Variants in NCAM2 observed in about 807,000 individuals in gnomAD.
NCAM2 encodes the protein neural cell adhesion molecule 2.
NCAM2 carries 30 observed loss-of-function variants against 98.1 expected under a neutral mutation model. The observed-to-expected ratio is 0.31, with a 90% confidence interval of 0.23 to 0.41. The LOEUF (loss-of-function observed/expected upper bound fraction) is 0.41. Among genes scored for constraint, NCAM2 ranks in the 10% least tolerant of loss-of-function variants. The pLI is 1.00. For synonymous variants in NCAM2, 368 were observed against 342.4 expected (o/e 1.07, Z -0.83); for missense variants, 867 against 1,005.8 (o/e 0.86, Z 1.87).
intron 1 of NCAM2, among the ~76,000 whole-genome samples, chr21:21,065,640 A>C (rs1041058518): frequency 2.0e-5 from 3 of 152,156 alleles, no homozygotes. Flanking sequence ...GGGTTTCTAG[A>C]GTCCCAATTC....
chr21:21,310,455 AG>A (rs2074010224), intron 5 of NCAM2, among the ~76,000 whole-genome samples: 1 of 152,188 alleles, frequency 6.6e-6, no homozygotes, highest in South Asian at 2.1e-4. Context: ...GAAAGAGAAG[AG>A]TCTGATGAAC....
intron 5 of NCAM2, among the ~76,000 whole-genome samples, chr21:21,299,076 A>G (rs1350944156): frequency 1.3e-5 from 2 of 151,714 alleles, no homozygotes; most frequent in African/African-American, 4.8e-5. Flanking sequence ...AATTTTTATC[A>G]TTTCATAGAA....
chr21:21,335,490 T>C lies in NCAM2; in HGVS notation c.738-15T>C. ...AGCCAGATCTGTGAGGATGAACCTC[T>C]TTTTTCTTCTTTAGGAATGGCAAGC... On this transcript the variant is annotated splice_polypyrimidine_tract_variant and intron_variant, in intron 6 of 17. Transcript: ENST00000400546. 6.3e-7 allele frequency: 1 copy of C among 1,576,046 alleles called. No individual in the cohort carries two copies. Among genetic ancestry groups the C allele is most frequent in the Non-Finnish European group, 8.6e-7 (1 of 1,165,296 alleles).
intron 5 of NCAM2, among the ~76,000 whole-genome samples, chr21:21,303,893 T>A (rs1004877180): frequency 6.6e-6 from 1 of 152,176 alleles, no homozygotes; most frequent in African/African-American, 2.4e-5. Flanking sequence ...CATCTTCTCA[T>A]ATACAACTCA....
At chr21:21,015,883 A>G (rs1045312890) in intron 1 of NCAM2, among the ~76,000 whole-genome samples, 1 of 150,692 alleles carries the variant, frequency 6.6e-6, no homozygotes, top group Non-Finnish European at 1.5e-5. Context: ...TTTTTTTTGT[A>G]TTTTTAGTAG....
chr21:21,331,198 T>C (rs1162823564), intron 6 of NCAM2, among the ~76,000 whole-genome samples: 1 of 151,838 alleles, frequency 6.6e-6, no homozygotes, highest in East Asian at 1.9e-4. Context: ...TGGGCAGGAG[T>C]GCAGTGGCAC....
At chr21:21,307,088 A>C (rs1399542985) in intron 5 of NCAM2, among the ~76,000 whole-genome samples, 2 of 152,038 alleles carry the variant, frequency 1.3e-5, no homozygotes. Flanking sequence ...CCATTCTGAC[A>C]GTCTCTACCT....
At chr21:21,492,847 T>C (rs1423436696) in intron 15 of NCAM2, among the ~76,000 whole-genome samples, 1 of 151,902 alleles carries the variant, frequency 6.6e-6, no homozygotes, top group Admixed American at 6.6e-5. Flanking sequence ...TGTTTAAATG[T>C]GGTTAAATAA....
intron 9 of NCAM2, among the ~76,000 whole-genome samples, chr21:21,401,886 T>G (rs1403044345): frequency 6.6e-6 from 1 of 152,178 alleles, no homozygotes; most frequent in African/African-American, 2.4e-5. Flanking sequence ...CGGCTGGAGC[T>G]GCAGCAGAGG....
In NCAM2 at chr21:21,509,207, A is replaced by G; in HGVS notation, c.2282+152A>G. 3 of 662,274 alleles carry G rather than the reference A, an allele frequency of 4.5e-6. No individual in the cohort carries two copies. In the South Asian group the frequency reaches 6.0e-5, roughly 13 times the overall value. 41.0% of individuals were successfully genotyped at this position (662,274 alleles called of 1,614,324 possible). On this transcript the variant is annotated intron_variant, in intron 16 of 17. Transcript: ENST00000400546. ...TGCACTGCCTGCTCTCTGACCTTGA[A>G]ACTATGTATCCTTATATATAACCTA...
intron 16 of NCAM2, among the ~76,000 whole-genome samples, chr21:21,524,889 A>T (rs999612341): frequency 1.2e-4 from 19 of 152,196 alleles, no homozygotes; most frequent in Non-Finnish European, 2.2e-4. Flanking sequence ...CTTGAAGATT[A>T]AACAATGTAC....
chr21:21,419,812 G>A (rs900085467), intron 11 of NCAM2, among the ~76,000 whole-genome samples: 1 of 152,112 alleles, frequency 6.6e-6, no homozygotes, highest in East Asian at 1.9e-4. Flanking sequence ...ATAGTGCCGC[G>A]ATAAACATAC....
intron 1 of NCAM2, among the ~76,000 whole-genome samples, chr21:21,085,435 C>T (rs2065888545): frequency 6.6e-6 from 1 of 152,088 alleles, no homozygotes; most frequent in East Asian, 1.9e-4. Context: ...CCTCAGCTTA[C>T]ACTGGCCTCT....
At chr21:21,055,913 T>C (rs1381767203) in intron 1 of NCAM2, among the ~76,000 whole-genome samples, 1 of 152,124 alleles carries the variant, frequency 6.6e-6, no homozygotes, top group East Asian at 1.9e-4. Context: ...ACCATTATTA[T>C]GACACTTACA....
intron 1 of NCAM2, among the ~76,000 whole-genome samples, chr21:21,238,500 C>A (rs1203797314): frequency 1.3e-5 from 2 of 151,906 alleles, no homozygotes; most frequent in African/African-American, 4.8e-5. Flanking sequence ...ATTACATATA[C>A]AACTCAGAAA....
At chr21:21,410,050 A>G (rs992543885) in intron 9 of NCAM2, among the ~76,000 whole-genome samples, 1 of 151,984 alleles carries the variant, frequency 6.6e-6, no homozygotes, top group African/African-American at 2.4e-5. Context: ...GGAGAATGGC[A>G]TCAACCCAGG....
rs369454582 is a variant in NCAM2, at chr21:21,019,921, T to C, written c.55+21303T>C. The stretch of plus-strand genomic sequence containing the variant: ...GGTGCTGTCGTGGTGCAGGGCTTCA[T>C]AGATGAGTCAGAATGTGGAATTGAG... On this transcript the variant is annotated intron_variant, in intron 1 of 17. Transcript: ENST00000400546. Among the ~76,000 whole-genome samples, 8 of 152,340 alleles carry C rather than the reference T, an allele frequency of 5.3e-5. No homozygotes were observed. The East Asian group carries it at 1.2e-3, about 22-fold the overall frequency.
At chr21:21,269,084 A>G (rs958184310) in intron 1 of NCAM2, among the ~76,000 whole-genome samples, 2 of 152,138 alleles carry the variant, frequency 1.3e-5, no homozygotes, top group Non-Finnish European at 2.9e-5. Flanking sequence ...TTGTTTCTGT[A>G]TTTAGCCACT....
Position 21,292,254 on chromosome 21 carries a change from T to A in NCAM2, c.619+13T>A. ...GTTATTGTTAATGGTAAGCAGTAAA[T>A]AATTTGTACATGTTTTATGGATTCA... On this transcript the variant is annotated intron_variant, in intron 5 of 17. Coordinates refer to ENST00000400546, the MANE Select transcript of NCAM2 (RefSeq NM_004540.5). 6.3e-7 allele frequency: 1 copy of A among 1,597,602 alleles called. No homozygotes were observed. The highest frequency in any genetic ancestry group is 8.5e-7 in the Non-Finnish European group (1 of 1,173,044).
Sources: gnomAD v4.1 joint callset for allele counts (sites outside exome capture counted in the v4.1 genomes callset) on GRCh38, gnomAD v4.1.1 for gene constraint, MANE v1.5 for transcripts, NCBI Gene and HGNC (gene_info 2026-07-23, HGNC 2026-07-21) for gene names.